NREP: variants seen among roughly 807,000 people sequenced by gnomAD.
NREP encodes the protein neuronal regeneration related protein.
A neutral mutation model predicts 8.6 loss-of-function variants in NREP; 5 were observed. The observed-to-expected ratio is 0.58, with a 90% CI of 0.30 to 1.22. NREP has a LOEUF of 1.22. Ranked by LOEUF, NREP falls within the 50% of genes most tolerant of loss-of-function variation. The pLI, the probability that NREP is intolerant of heterozygous loss-of-function variation, is 0.07. For missense variants in NREP, 86 were observed against 82.5 expected (o/e 1.04, Z -0.17); for synonymous variants, 27 against 28.0 (o/e 0.96, Z 0.11).
chr5:111,974,312 G>A (rs1756902250), intron 2 of NREP: 1 of 152,178 alleles, frequency 6.6e-6, no homozygotes, highest in African/African-American at 2.4e-5. Flanking sequence ...TAAGGCAGCT[G>A]GTGTTACCCT....
chr5:111,867,308 C>A (rs981035181), intron 2 of NREP, among the ~76,000 whole-genome samples: 1 of 152,132 alleles, frequency 6.6e-6, no homozygotes, highest in African/African-American at 2.4e-5. Context: ...AGGTCAGGTT[C>A]TGGCAAAGGC....
chr5:111,867,484 T>C (rs1052054881), intron 2 of NREP, among the ~76,000 whole-genome samples: 5 of 152,322 alleles, frequency 3.3e-5, no homozygotes, highest in South Asian at 2.1e-4. Flanking sequence ...CCCACCCTTA[T>C]GGTCTTATTT....
At chr5:111,868,671 T>G (rs994759410) in intron 2 of NREP, among the ~76,000 whole-genome samples, 1 of 152,154 alleles carries the variant, frequency 6.6e-6, no homozygotes, top group African/African-American at 2.4e-5. Flanking sequence ...CTGGTCCATT[T>G]TCATCACCTG....
intron 2 of NREP, among the ~76,000 whole-genome samples, chr5:111,876,368 C>T (rs772612124): frequency 2.0e-5 from 3 of 152,208 alleles, no homozygotes; most frequent in Admixed American, 6.5e-5. Context: ...TCACTTGTTT[C>T]TTGGTTTCAC....
intron 2 of NREP, among the ~76,000 whole-genome samples, chr5:111,826,346 C>T (rs190786725): frequency 6.6e-6 from 1 of 152,314 alleles, no homozygotes; most frequent in Non-Finnish European, 1.5e-5. Context: ...CTGGCAACCA[C>T]TCAGGTCTCC....
intron 2 of NREP, among the ~76,000 whole-genome samples, chr5:111,860,601 C>G (rs1561697452): frequency 6.6e-6 from 1 of 152,132 alleles, no homozygotes; most frequent in Non-Finnish European, 1.5e-5. Flanking sequence ...AGCTCAGCTT[C>G]CAGTTGGTAC....
chr5:111,766,629 C>A (rs1265633190), intron 2 of NREP, among the ~76,000 whole-genome samples: 1 of 152,166 alleles, frequency 6.6e-6, no homozygotes, highest in Non-Finnish European at 1.5e-5. Context: ...TCCTCTGCTC[C>A]CTTTGTCAAC....
At chr5:111,824,184 C>T (rs1752570624) in intron 2 of NREP, among the ~76,000 whole-genome samples, 1 of 152,118 alleles carries the variant, frequency 6.6e-6, no homozygotes, top group African/African-American at 2.4e-5. Context: ...TCCTGGCTAA[C>T]ACGGTGAAAC....
intron 2 of NREP, chr5:111,940,204 T>C (rs886854744): frequency 3.9e-5 from 6 of 152,098 alleles, no homozygotes; most frequent in Admixed American, 6.6e-5. Context: ...TGATAGCCTT[T>C]TGTGATAAAT....
At chr5:111,860,033 G>C (rs1345010918) in intron 2 of NREP, among the ~76,000 whole-genome samples, 1 of 152,106 alleles carries the variant, frequency 6.6e-6, no homozygotes, top group Non-Finnish European at 1.5e-5. Flanking sequence ...TTACATGCAA[G>C]TTGCATAATC....
At chr5:111,771,118 C>G in intron 2 of NREP, among the ~76,000 whole-genome samples, 1 of 152,110 alleles carries the variant, frequency 6.6e-6, no homozygotes, top group Admixed American at 6.5e-5. Flanking sequence ...TGCATTGATA[C>G]TTTATTTAGA....
chr5:111,833,138 G>C (rs1039349951), intron 2 of NREP, among the ~76,000 whole-genome samples: 4 of 152,138 alleles, frequency 2.6e-5, no homozygotes, highest in African/African-American at 9.7e-5. Flanking sequence ...ACCTGAAAAT[G>C]TTTAAAGAAA....
chr5:111,933,315 T>C (rs976922092), intron 2 of NREP, among the ~76,000 whole-genome samples: 2 of 152,112 alleles, frequency 1.3e-5, no homozygotes, highest in Non-Finnish European at 2.9e-5. Flanking sequence ...TTATTTTCCT[T>C]AGTCAGTATC....
intron 2 of NREP, among the ~76,000 whole-genome samples, chr5:111,876,901 G>A (rs1347032542): frequency 6.6e-6 from 1 of 152,176 alleles, no homozygotes; most frequent in Non-Finnish European, 1.5e-5. Flanking sequence ...TAAATAACTT[G>A]TCCAAAGTCA....
upstream of NREP, chr5:111,757,382 C>T (rs1396983797): frequency 1.0e-6 from 1 of 958,820 alleles, no homozygotes; most frequent in Middle Eastern, 5.3e-4. Flanking sequence ...CCCTGCCTCG[C>T]GCTCTCTCTC....
chr5:111,749,694 C>T (rs1334308556), intron 2 of NREP, among the ~76,000 whole-genome samples: 1 of 152,164 alleles, frequency 6.6e-6, no homozygotes, highest in Non-Finnish European at 1.5e-5. Context: ...GTCAGCCTCA[C>T]AGGAGGGAAG....
intron 2 of NREP, among the ~76,000 whole-genome samples, chr5:111,917,114 C>T (rs1755082565): frequency 6.6e-6 from 1 of 152,024 alleles, no homozygotes; most frequent in Admixed American, 6.6e-5. Context: ...GGTGGGCTTC[C>T]CGCATGCATG....
chr5:111,886,258 A>G (rs1754245275), intron 2 of NREP, among the ~76,000 whole-genome samples: 1 of 152,248 alleles, frequency 6.6e-6, no homozygotes, highest in African/African-American at 2.4e-5. Context: ...AGTGCAAATC[A>G]AAACCGCAAT....
chr5:111,902,562 A>G (rs1387254687), intron 2 of NREP, among the ~76,000 whole-genome samples: 1 of 152,190 alleles, frequency 6.6e-6, no homozygotes, highest in African/African-American at 2.4e-5. Flanking sequence ...TCCAAAGTTA[A>G]AGCAGACTGT....
Sources: allele counts gnomAD v4.1 joint callset (sites outside exome capture counted in the v4.1 genomes callset), GRCh38; gene constraint gnomAD v4.1.1; transcripts MANE v1.5; gene names NCBI Gene and HGNC (gene_info 2026-07-23, HGNC 2026-07-21).